The following CELF4 variants were observed in gnomAD, a reference collection of about 807,000 sequenced individuals.
CELF4 encodes CUGBP Elav-like family member 4.
Under a neutral mutation model 59.9 loss-of-function variants are expected in CELF4, and 18 were observed. The ratio of observed to expected loss-of-function variants is 0.30; its 90% CI spans 0.21 to 0.45. The LOEUF is 0.45. CELF4 is among the 20% of genes least tolerant of loss of function. The probability of loss-of-function intolerance (pLI) is 1.00; values close to 1 mark genes in which losing one functional copy is unlikely to be tolerated. For missense variants in CELF4, 456 were observed against 689.0 expected (o/e 0.66, Z 3.79); for synonymous variants, 261 against 267.1 (o/e 0.98, Z 0.22).
chr18:37,361,992 C>T lies in CELF4; in HGVS notation c.370-40111G>A, dbSNP rs56046723. Among the ~76,000 whole-genome samples the T allele has an allele frequency of 3.7e-3, 568 of 152,112 alleles. 3 individuals are homozygous for T. Among genetic ancestry groups the T allele is most frequent in the African/African-American group, 0.013 (536 of 41,516 alleles). ...GCCAAGAGGCTGCTGGAGTGGGAAGCGGACGGTCAGAGGAGCCCTGTGGTC... is the reference window on the plus strand; with the variant it reads ...GCCAAGAGGCTGCTGGAGTGGGAAGTGGACGGTCAGAGGAGCCCTGTGGTC... On this transcript the variant is annotated intron_variant, in intron 2 of 12. Coordinates refer to ENST00000420428, the MANE Select transcript of CELF4 (RefSeq NM_020180.4).
intron 1 of CELF4, among the ~76,000 whole-genome samples, chr18:37,522,676 G>A (rs1235320269): frequency 6.6e-6 from 1 of 152,174 alleles, no homozygotes; most frequent in East Asian, 1.9e-4. Context: ...TTTGAGACGA[G>A]CTTCAGTGGT....
chr18:37,460,100 C>T (rs534056295), intron 2 of CELF4, among the ~76,000 whole-genome samples: 1 of 152,218 alleles, frequency 6.6e-6, no homozygotes, highest in Admixed American at 6.5e-5. Flanking sequence ...ATCACTGGTG[C>T]TTCTTTGGGA....
chr18:37,469,281 T>C (rs1451038744), intron 2 of CELF4, among the ~76,000 whole-genome samples: 1 of 152,002 alleles, frequency 6.6e-6, no homozygotes, highest in Non-Finnish European at 1.5e-5. Context: ...CTCCTCAGAG[T>C]CATTCTCTGC....
At chr18:37,535,414 C>A (rs2099972700) in intron 1 of CELF4, among the ~76,000 whole-genome samples, 1 of 152,132 alleles carries the variant, frequency 6.6e-6, no homozygotes, top group Non-Finnish European at 1.5e-5. Flanking sequence ...AGAGCAGTGG[C>A]CCAGGGATCC....
intron 2 of CELF4, among the ~76,000 whole-genome samples, chr18:37,479,144 C>T (rs903452778): frequency 2.0e-5 from 3 of 152,194 alleles, no homozygotes; most frequent in Non-Finnish European, 2.9e-5. Context: ...CCTTAATGCC[C>T]GGAGGTGGAC....
chr18:37,544,893 T>C (rs1008436425), intron 1 of CELF4, among the ~76,000 whole-genome samples: 1 of 152,162 alleles, frequency 6.6e-6, no homozygotes, highest in Non-Finnish European at 1.5e-5. Flanking sequence ...CGCAGCATTG[T>C]TGACAACTTG....
chr18:37,264,610 G>C (rs2076511406), intron 10 of CELF4, 64 bp downstream of exon 10: 3 of 1,402,540 alleles, frequency 2.1e-6, no homozygotes, highest in Admixed American at 3.9e-5. Context: ...CAAGGCCCAG[G>C]TGAGCAGCCT....
intron 1 of CELF4, among the ~76,000 whole-genome samples, chr18:37,487,334 G>T (rs947568071): frequency 1.3e-5 from 2 of 152,154 alleles, no homozygotes; most frequent in African/African-American, 4.8e-5. Flanking sequence ...AAGGAAACAG[G>T]GAGAAAAGCC....
intron 2 of CELF4, among the ~76,000 whole-genome samples, chr18:37,450,981 G>A (rs28501509): frequency 0.028 from 4,269 of 152,272 alleles, 181 homozygotes; most frequent in African/African-American, 0.097. Flanking sequence ...CCCTGAGTGT[G>A]GCTGTGGGCG....
At chr18:37,325,411 C>A (rs2097272994) in intron 2 of CELF4, among the ~76,000 whole-genome samples, 1 of 152,206 alleles carries the variant, frequency 6.6e-6, no homozygotes, top group Non-Finnish European at 1.5e-5. Flanking sequence ...TGACGGGTCC[C>A]ATTTTCCATG....
chr18:37,246,430 C>T lies in CELF4; in HGVS notation c.*45-1233G>A, dbSNP rs1239983885. Among the ~76,000 whole-genome samples the T allele has an allele frequency of 6.6e-6, 1 of 152,172 alleles. No individual in the cohort carries two copies. The highest frequency in any genetic ancestry group is 1.5e-5 in the Non-Finnish European group (1 of 68,038). On this transcript the variant is annotated intron_variant, in intron 12 of 12. Coordinates refer to ENST00000420428, the MANE Select transcript of CELF4 (RefSeq NM_020180.4). The surrounding 1 kb of genome is among the most constrained non-coding windows in gnomAD (Gnocchi z 5.3). ...CCCTCCCGAGCCCCCAGTCCCCAGC[C>T]TCCCCTCCCCACATTTAATTTAGCA... is the stretch of plus-strand genomic sequence containing the variant.
intron 2 of CELF4, among the ~76,000 whole-genome samples, chr18:37,466,381 T>A (rs543954317): frequency 7.9e-6 from 1 of 126,004 alleles, no homozygotes; most frequent in East Asian, 2.3e-4. Flanking sequence ...AAAGGAAAAA[T>A]GGAACTGTGG....
chr18:37,515,000 C>T (rs543503750), intron 1 of CELF4, among the ~76,000 whole-genome samples: 2 of 152,182 alleles, frequency 1.3e-5, no homozygotes, highest in South Asian at 2.1e-4. Context: ...TGTTCCATTG[C>T]GGGAACATAA....
intron 1 of CELF4, among the ~76,000 whole-genome samples, chr18:37,505,861 T>C (rs946033635): frequency 6.6e-6 from 1 of 152,208 alleles, no homozygotes; most frequent in Non-Finnish European, 1.5e-5. Flanking sequence ...CCTGTTGTGA[T>C]GCCATTAAGC....
rs1292816289 is a variant in CELF4, at chr18:37,253,660, G to A, written c.*44+107C>T. ...GGAGCAGGTTGAGCCGGGCGCAGCG[G>A]GTCCAAGGCACCAGTGAGGGTCCGG... On this transcript the variant is annotated intron_variant, in intron 12 of 12. Coordinates refer to ENST00000420428, the MANE Select transcript of CELF4 (RefSeq NM_020180.4). This position sits in a 1 kb window ranked among gnomAD's most constrained non-coding sequence, Gnocchi z 4.5. The A allele has an allele frequency of 1.4e-5, 11 of 792,308 alleles. No individual in the cohort carries two copies. The highest frequency in any genetic ancestry group is 1.9e-5 in the Non-Finnish European group (10 of 540,260). The allele number at this position is 792,308 out of a possible 1,614,324, so 49.1% of individuals were successfully genotyped here.
rs746482829 is a variant in CELF4 at position 37,539,334 on chromosome 18, G to C, written c.286+26022C>G. ...ACTTGCCTAAGGTCACCCAGTTAGA[G>C]AGTGGGAGAGCCCACATTCCAAGCC... On this transcript the variant is annotated intron_variant, in intron 1 of 12. Coordinates refer to ENST00000420428, the MANE Select transcript of CELF4 (RefSeq NM_020180.4). Among the ~76,000 whole-genome samples the C allele has an allele frequency of 2.2e-4, 33 of 152,286 alleles. 1 individual carries two copies. The highest frequency in any genetic ancestry group is 5.1e-4 in the African/African-American group (21 of 41,560).
chr18:37,298,682 G>A (rs529941446), intron 3 of CELF4, among the ~76,000 whole-genome samples: 123 of 148,628 alleles, frequency 8.3e-4, no homozygotes, highest in Non-Finnish European at 8.0e-4. Context: ...CTGAGATTGC[G>A]CCATTGCACT....
chr18:37,537,772 C>T (rs992960150), intron 1 of CELF4, among the ~76,000 whole-genome samples: 1 of 152,242 alleles, frequency 6.6e-6, no homozygotes, highest in East Asian at 1.9e-4. Flanking sequence ...ACACAAGCTC[C>T]TCCTGGGAGA....
At chr18:37,383,026 GTATGTA>G (rs1326167921) in intron 2 of CELF4, among the ~76,000 whole-genome samples, 41 of 4,092 alleles carry the variant, frequency 0.01, no homozygotes, top group African/African-American at 0.051. Context: ...GTACATACAT[GTATGTA>G]TGTATGTATG....
Sources: allele counts gnomAD v4.1 joint callset (sites outside exome capture counted in the v4.1 genomes callset), GRCh38; gene constraint gnomAD v4.1.1; non-coding constraint Gnocchi (gnomAD v3.1); transcripts MANE v1.5; gene names NCBI Gene and HGNC (gene_info 2026-07-23, HGNC 2026-07-21).